The following C4orf50 variants were observed in gnomAD, a reference collection of about 807,000 sequenced individuals.
C4orf50 encodes the protein chromosome 4 open reading frame 50.
Under a neutral mutation model 77.2 loss-of-function variants are expected in C4orf50, and 80 were observed. The observed-to-expected ratio is 1.04, with a 90% CI of 0.87 to 1.25. C4orf50 has a LOEUF of 1.25. Ranked by LOEUF, C4orf50 falls within the 50% of genes most tolerant of loss-of-function variation. The pLI, the probability that C4orf50 is intolerant of heterozygous loss-of-function variation, is 0.00. For synonymous variants in C4orf50, 532 were observed against 465.3 expected (o/e 1.14, Z -1.84); for missense variants, 1,257 against 1,152.9 (o/e 1.09, Z -1.31).
intron 7 of C4orf50, among the ~76,000 whole-genome samples, chr4:5,926,302 T>C (rs1344606200): frequency 6.6e-6 from 1 of 152,054 alleles, no homozygotes; most frequent in Non-Finnish European, 1.5e-5. Context: ...AGGCTGACCT[T>C]GAAAATGGGA....
At chr4:5,977,466 G>A (rs1720353762) in intron 29 of C4orf50, among the ~76,000 whole-genome samples, 1 of 152,122 alleles carries the variant, frequency 6.6e-6, no homozygotes, top group African/African-American at 2.4e-5. Flanking sequence ...TTAAAAGAAT[G>A]AGATCACTTT....
At chr4:5,996,697 G>A (rs934170923) in intron 25 of C4orf50, among the ~76,000 whole-genome samples, 1 of 152,190 alleles carries the variant, frequency 6.6e-6, no homozygotes, top group Admixed American at 6.5e-5. Flanking sequence ...TCAAAGGCCA[G>A]GGGCCTCAGC....
chr4:5,899,731 C>G (rs1488284123), intron 7 of C4orf50: 1 of 152,208 alleles, frequency 6.6e-6, no homozygotes, highest in Non-Finnish European at 1.5e-5. Context: ...CCATGGTTCT[C>G]CCCCAGCTGC....
chr4:6,003,426 CAATGGT>C (rs1721926970), intron 25 of C4orf50, among the ~76,000 whole-genome samples: 1 of 150,110 alleles, frequency 6.7e-6, no homozygotes, highest in Non-Finnish European at 1.5e-5. Flanking sequence ...AGGAGGGTGG[CAATGGT>C]GATGGTGATA....
intron 31 of C4orf50, among the ~76,000 whole-genome samples, chr4:5,973,113 A>G (rs1047014744): frequency 6.6e-6 from 1 of 152,188 alleles, no homozygotes. Flanking sequence ...CTCTGGGCCC[A>G]TCGGAGATGG....
chr4:5,953,287 G>A (rs564585830), downstream of C4orf50, among the ~76,000 whole-genome samples: 26 of 152,312 alleles, frequency 1.7e-4, no homozygotes, highest in Admixed American at 1.7e-3. Context: ...GAATGGCTGG[G>A]AGTCACTGAG....
chr4:5,965,579 G>C (rs1719519203), intron 32 of C4orf50, among the ~76,000 whole-genome samples: 1 of 152,252 alleles, frequency 6.6e-6, no homozygotes, highest in African/African-American at 2.4e-5. Flanking sequence ...AGCTGAGCAA[G>C]AGAGGGAAGA....
rs1485067046 is a variant in C4orf50 at position 6,015,902 on chromosome 4, G to A, written c.287+2243C>T. Among the ~76,000 whole-genome samples the A allele has an allele frequency of 1.3e-5, 2 of 152,088 alleles. No homozygotes were observed. The highest frequency in any genetic ancestry group is 2.9e-5 in the Non-Finnish European group (2 of 68,024). On this transcript the variant is annotated intron_variant, in intron 23 of 33. Transcript: ENST00000531445. The surrounding 1 kb of genome is among the most constrained non-coding windows in gnomAD (Gnocchi z 4.4). ...TTGTGATTGGTCTTAGAGACCAGCCGGCGAATCTGGGTCCATATCCCCATG... is the reference window on the plus strand; with the variant it reads ...TTGTGATTGGTCTTAGAGACCAGCCAGCGAATCTGGGTCCATATCCCCATG...
chr4:5,967,428 G>A (rs763102392), exon 32 of C4orf50: 37 of 1,613,660 alleles, frequency 2.3e-5, no homozygotes, highest in African/African-American at 1.2e-4. Flanking sequence ...TAAAGCTGCC[G>A]TCATCTCAGA....
At chr4:5,973,253 G>A (rs1294863197) in intron 31 of C4orf50, among the ~76,000 whole-genome samples, 1 of 152,176 alleles carries the variant, frequency 6.6e-6, no homozygotes, top group Non-Finnish European at 1.5e-5. Context: ...AGGCTGCCTG[G>A]GCAAGGTCAC....
At chr4:5,962,414 G>A (rs1719322052) in intron 33 of C4orf50, among the ~76,000 whole-genome samples, 1 of 152,172 alleles carries the variant, frequency 6.6e-6, no homozygotes, top group Non-Finnish European at 1.5e-5. Flanking sequence ...TGCATTTTTG[G>A]TTTATCCATT....
intron 7 of C4orf50, among the ~76,000 whole-genome samples, chr4:5,939,550 C>T (rs1718175756): frequency 6.6e-6 from 1 of 152,234 alleles, no homozygotes; most frequent in Admixed American, 6.5e-5. Flanking sequence ...TCCTTTTCTT[C>T]TGGACATCTA....
Position 5,900,695 on chromosome 4 carries a change from G to A in C4orf50, c.*2475-2507C>T, listed in dbSNP as rs921926214. 1 of 152,260 alleles carries A rather than the reference G, an allele frequency of 6.6e-6. No individual in the cohort carries two copies. The highest frequency in any genetic ancestry group is 1.5e-5 in the Non-Finnish European group (1 of 68,044). The allele number at this position is 152,260 out of a possible 1,614,324, so 9.4% of individuals were successfully genotyped here. A position where few individuals can be genotyped will look rare whatever the true frequency, so the allele number is the denominator to read the frequency against. ...CGAACCACGTTCAGTCCCATTTGCA[G>A]TCAAGTGGCTTTGTCACTGGACCGC... is the stretch of plus-strand genomic sequence containing the variant. On this transcript the variant is annotated intron_variant, in intron 7 of 7. Coordinates refer to the C4orf50 transcript ENST00000324058. This position sits in a 1 kb window ranked among gnomAD's most constrained non-coding sequence, Gnocchi z 4.3.
chr4:5,931,088 G>A (rs144133118), intron 7 of C4orf50, among the ~76,000 whole-genome samples: 8 of 152,266 alleles, frequency 5.3e-5, no homozygotes, highest in South Asian at 4.2e-4. Flanking sequence ...GCCATGTCCC[G>A]GATCCTGCAG....
chr4:5,909,514 A>T (rs1207118386), intron 7 of C4orf50, among the ~76,000 whole-genome samples: 1 of 152,142 alleles, frequency 6.6e-6, no homozygotes, highest in Non-Finnish European at 1.5e-5. Context: ...TTTTAGTTTG[A>T]TACAATCACA....
At chr4:5,997,083 A>C (rs1721624966) in intron 25 of C4orf50, among the ~76,000 whole-genome samples, 1 of 152,232 alleles carries the variant, frequency 6.6e-6, no homozygotes. Flanking sequence ...AAGAGACAGA[A>C]ATTCAAAGTG....
chr4:5,927,007 G>A (rs1009661684), intron 7 of C4orf50, among the ~76,000 whole-genome samples: 1 of 152,204 alleles, frequency 6.6e-6, no homozygotes, highest in African/African-American at 2.4e-5. Flanking sequence ...GACAGGGAGT[G>A]TTCTGGTGAA....
chr4:5,980,025 T>C (rs1720488038), intron 29 of C4orf50, 149 bp downstream of exon 7: 1 of 486,850 alleles, frequency 2.1e-6, no homozygotes, highest in African/African-American at 2.0e-5. Context: ...GTTTTTTTTT[T>C]CCTGGTACTG....
Position 6,011,930 on chromosome 4 carries a change from C to A in C4orf50, c.326G>T (p.Arg109Leu), listed in dbSNP as rs145532097. 1 of 398,934 alleles carries A rather than the reference C, an allele frequency of 2.5e-6. No individual in the cohort carries two copies. The highest frequency in any genetic ancestry group is 4.4e-6 in the Non-Finnish European group (1 of 226,092). The allele number at this position is 398,934 out of a possible 1,614,324, so 24.7% of individuals were successfully genotyped here. The stretch of plus-strand genomic sequence containing the variant: ...GTGGGTGCTCAGCTGGTCCACCTTC[C>A]GGAGGAGTTTCCTTTCTGACAGCTC... The change falls in exon 24 of 34, where the codon CGG becomes CTG. Residue 109 changes from arginine to leucine, a missense_variant. Coordinates refer to ENST00000531445, the Ensembl canonical transcript of C4orf50. This position sits in a 1 kb window ranked among gnomAD's most constrained non-coding sequence, Gnocchi z 4.2.
Sources: allele counts gnomAD v4.1 joint callset (sites outside exome capture counted in the v4.1 genomes callset), GRCh38; gene constraint gnomAD v4.1.1; non-coding constraint Gnocchi (gnomAD v3.1); transcripts MANE v1.5; gene names NCBI Gene and HGNC (gene_info 2026-07-23, HGNC 2026-07-21).